VWA3B: variants seen among roughly 807,000 people sequenced by gnomAD.
The protein encoded by VWA3B is von Willebrand factor A domain containing 3B.
In VWA3B, 138 loss-of-function variants were observed where a neutral mutation model predicts 158.3. That is an observed-to-expected ratio of 0.87 (90% CI 0.76 to 1.00). The LOEUF is 1.00. Among genes scored for constraint, VWA3B ranks in the 50% least tolerant of loss-of-function variants. VWA3B has a pLI of 0.00. For synonymous variants in VWA3B, 596 were observed against 587.3 expected (o/e 1.01, Z -0.21); for missense variants, 1,555 against 1,565.1 (o/e 0.99, Z 0.11).
At chr2:98,173,959 T>G (rs1679806005) in intron 8 of VWA3B, among the ~76,000 whole-genome samples, 1 of 139,842 alleles carries the variant, frequency 7.2e-6, no homozygotes, top group Non-Finnish European at 1.6e-5. Flanking sequence ...AGAGCGAGAC[T>G]CTGTCTCAAA....
chr2:98,181,103 C>T lies in VWA3B; in HGVS notation c.1202C>T (p.Ala401Val). 2 of 1,614,158 alleles carry T rather than the reference C, an allele frequency of 1.2e-6. No individual in the cohort carries two copies. The highest frequency in any genetic ancestry group is 8.5e-7 in the Non-Finnish European group (1 of 1,180,036). Residue 401 changes from alanine to valine, a missense_variant, in exon 9 of 28, where the codon GCC becomes GTC. Ala to Val is a moderately conservative substitution (Grantham distance 64). Transcript: ENST00000477737. Reference protein sequence around the residue: ...KTWLQKYGLKAQKLSLYDVLA... With the variant: ...KTWLQKYGLKVQKLSLYDVLA... ...TGGCTGCAGAAATATGGCTTGAAGG[C>T]CCAGAAGCTATCCTTGTATGATGTG...
At chr2:98,152,594 C>G (rs1363652642) in intron 7 of VWA3B, among the ~76,000 whole-genome samples, 1 of 152,158 alleles carries the variant, frequency 6.6e-6, no homozygotes, top group Non-Finnish European at 1.5e-5. Context: ...TGGTTCTCTT[C>G]CTGTATATCC....
At chr2:98,266,005 T>C (rs1687800869) in intron 21 of VWA3B, among the ~76,000 whole-genome samples, 4 of 145,454 alleles carry the variant, frequency 2.8e-5, no homozygotes, top group African/African-American at 1.0e-4. Flanking sequence ...GCCTGTTCAC[T>C]CTGATGGTAG....
intron 13 of VWA3B, chr2:98,216,712 C>A: frequency 2.1e-6 from 1 of 472,484 alleles, no homozygotes; most frequent in Non-Finnish European, 4.4e-6. Context: ...CAGCTCCTGG[C>A]AAATAAAATG....
chr2:98,105,067 CAT>C (rs1383847327), intron 2 of VWA3B, among the ~76,000 whole-genome samples: 2 of 152,174 alleles, frequency 1.3e-5, no homozygotes, highest in Non-Finnish European at 2.9e-5. Context: ...CTAAGATCCA[CAT>C]GTTTACCACT....
At chr2:98,218,732 A>G (rs1684239377) in intron 14 of VWA3B, among the ~76,000 whole-genome samples, 1 of 152,200 alleles carries the variant, frequency 6.6e-6, no homozygotes, top group Admixed American at 6.5e-5. Context: ...GTGACTTTAA[A>G]TCCAGATTCA....
At chr2:98,209,432 C>T (rs1217934195) in intron 12 of VWA3B, among the ~76,000 whole-genome samples, 1 of 152,086 alleles carries the variant, frequency 6.6e-6, no homozygotes, top group Non-Finnish European at 1.5e-5. Flanking sequence ...AGGCACCCAC[C>T]ACCACGCCAG....
intron 19 of VWA3B, 113 bp from the exon 20 acceptor site, chr2:98,250,205 A>T (rs781115749): frequency 1.4e-6 from 1 of 710,228 alleles, no homozygotes; most frequent in African/African-American, 1.8e-5. Context: ...CATTTATTGT[A>T]TATTGACTTT....
intron 13 of VWA3B, among the ~76,000 whole-genome samples, chr2:98,217,503 T>C (rs1684126499): frequency 6.6e-6 from 1 of 152,156 alleles, no homozygotes. Flanking sequence ...AAGCTGGAAA[T>C]TGCTCTTTTG....
At chr2:98,181,926 T>G (rs1478047487) in intron 9 of VWA3B, among the ~76,000 whole-genome samples, 1 of 152,016 alleles carries the variant, frequency 6.6e-6, no homozygotes, top group Non-Finnish European at 1.5e-5. Flanking sequence ...AGCAGAGAGG[T>G]GTAGAACAGG....
intron 20 of VWA3B, among the ~76,000 whole-genome samples, chr2:98,255,230 C>A (rs1366360583): frequency 1.6e-5 from 2 of 128,742 alleles, no homozygotes; most frequent in African/African-American, 3.1e-5. Context: ...CAGGGTTTCA[C>A]CATGCTGGCC....
chr2:98,274,680 A>T (rs1362748777), intron 22 of VWA3B, among the ~76,000 whole-genome samples: 1 of 152,142 alleles, frequency 6.6e-6, no homozygotes, highest in Non-Finnish European at 1.5e-5. Context: ...TAGGAAATGG[A>T]CACCAGGGAG....
At chr2:98,297,766 T>G in intron 23 of VWA3B, 141 bp from the exon 24 acceptor site, 1 of 1,138,018 alleles carries the variant, frequency 8.8e-7, no homozygotes, top group Non-Finnish European at 1.1e-6. Flanking sequence ...TGCCCAAGAT[T>G]ATCTGCTGGA....
At chr2:98,300,716 C>T (rs1260613560) in intron 25 of VWA3B, among the ~76,000 whole-genome samples, 1 of 152,082 alleles carries the variant, frequency 6.6e-6, no homozygotes, top group Non-Finnish European at 1.5e-5. Context: ...AGTGCCAGCC[C>T]CGCTCCTGCC....
intron 23 of VWA3B, among the ~76,000 whole-genome samples, chr2:98,293,525 G>A (rs1689619358): frequency 6.6e-6 from 1 of 152,058 alleles, no homozygotes; most frequent in African/African-American, 2.4e-5. Flanking sequence ...ATACAGAAAA[G>A]TCACAAGAAT....
intron 26 of VWA3B, among the ~76,000 whole-genome samples, chr2:98,309,038 G>T (rs962268642): frequency 3.3e-5 from 5 of 151,808 alleles, no homozygotes; most frequent in South Asian, 2.1e-4. Flanking sequence ...TGGACATGGT[G>T]GTGGGCACCC....
At chr2:98,211,895 T>C in intron 12 of VWA3B, 35 bp from the exon 13 acceptor site, 1 of 1,579,294 alleles carries the variant, frequency 6.3e-7, no homozygotes, top group Non-Finnish European at 8.7e-7. Flanking sequence ...TTTTTTGGGA[T>C]TCAAGTGTGT....
chr2:98,108,687 A>G (rs2104894598), intron 2 of VWA3B, among the ~76,000 whole-genome samples: 3 of 151,934 alleles, frequency 2.0e-5, no homozygotes, highest in East Asian at 3.9e-4. Context: ...AAATATTTGC[A>G]TGGCCTATCT....
chr2:98,223,046 A>G (rs1684638315), intron 14 of VWA3B, among the ~76,000 whole-genome samples: 1 of 152,232 alleles, frequency 6.6e-6, no homozygotes, highest in African/African-American at 2.4e-5. Context: ...AGGATTTTAA[A>G]GAAGCTGTCA....
Sources: gnomAD v4.1 joint callset for allele counts (sites outside exome capture counted in the v4.1 genomes callset) on GRCh38, gnomAD v4.1.1 for gene constraint, MANE v1.5 for transcripts, NCBI Gene and HGNC (gene_info 2026-07-23, HGNC 2026-07-21) for gene names.